The following RARB variants were observed in gnomAD, a reference collection of about 807,000 sequenced individuals.
RARB encodes the protein HBV-activated protein.
A neutral mutation model predicts 51.9 loss-of-function variants in RARB; 17 were observed. That is an observed-to-expected ratio of 0.33 (90% CI 0.22 to 0.49). RARB has a LOEUF of 0.49. Among genes scored for constraint, RARB ranks in the 20% least tolerant of loss-of-function variants. RARB has a pLI of 0.99. For synonymous variants in RARB, 215 were observed against 195.4 expected (o/e 1.10, Z -0.84); for missense variants, 369 against 550.8 (o/e 0.67, Z 3.30).
chr3:25,372,861 A>G (rs572166298), intron 5 of RARB, among the ~76,000 whole-genome samples: 2 of 152,260 alleles, frequency 1.3e-5, no homozygotes, highest in East Asian at 3.9e-4. Context: ...AACTTAAAAA[A>G]TTTTTTTTAA....
At chr3:25,552,088 G>T (rs1467719826) in intron 3 of RARB, among the ~76,000 whole-genome samples, 2 of 152,082 alleles carry the variant, frequency 1.3e-5, no homozygotes, top group Admixed American at 1.3e-4. Context: ...GCCCTGGGAT[G>T]AGACAGCAAA....
chr3:24,970,594 C>T (rs1011858457), intron 2 of RARB, among the ~76,000 whole-genome samples: 15 of 151,596 alleles, frequency 9.9e-5, no homozygotes, highest in Non-Finnish European at 2.9e-5. Flanking sequence ...CACACACACA[C>T]ACACACACAC....
intron 2 of RARB, among the ~76,000 whole-genome samples, chr3:25,002,046 C>T (rs964825206): frequency 1.3e-5 from 2 of 152,146 alleles, no homozygotes; most frequent in African/African-American, 2.4e-5. Context: ...GCTGGGATTA[C>T]AGGCATGAGC....
intron 3 of RARB, among the ~76,000 whole-genome samples, chr3:25,090,069 G>C (rs1699169863): frequency 6.6e-6 from 1 of 152,116 alleles, no homozygotes; most frequent in South Asian, 2.1e-4. Context: ...AAAATCTATA[G>C]TTAATCTGAA....
intron 2 of RARB, among the ~76,000 whole-genome samples, chr3:25,481,677 A>G (rs1295239510): frequency 1.3e-5 from 2 of 152,208 alleles, no homozygotes; most frequent in African/African-American, 2.4e-5. Flanking sequence ...CCTGTGGTAC[A>G]TTGCAGATAT....
chr3:25,048,605 C>T (rs982816342), intron 2 of RARB, among the ~76,000 whole-genome samples: 1 of 152,066 alleles, frequency 6.6e-6, no homozygotes, highest in African/African-American at 2.4e-5. Flanking sequence ...TTTGTGATGG[C>T]AGAAAATTAG....
chr3:25,588,400 A>T (rs1701485646), intron 5 of RARB, among the ~76,000 whole-genome samples: 1 of 152,236 alleles, frequency 6.6e-6, no homozygotes, highest in Non-Finnish European at 1.5e-5. Context: ...TGCTGGAAAT[A>T]TTCATATCTT....
chr3:24,857,238 T>C (rs1303603404), intron 1 of RARB, among the ~76,000 whole-genome samples: 1 of 152,192 alleles, frequency 6.6e-6, no homozygotes, highest in Non-Finnish European at 1.5e-5. Context: ...ACACCTCTCA[T>C]TCCTCAGATG....
At chr3:25,499,527 T>C (rs755316579) in intron 2 of RARB, among the ~76,000 whole-genome samples, 1 of 152,162 alleles carries the variant, frequency 6.6e-6, no homozygotes, top group Non-Finnish European at 1.5e-5. Flanking sequence ...AAAGAGGAAG[T>C]TGGGGACCCT....
At chr3:25,205,535 C>G in intron 5 of RARB, among the ~76,000 whole-genome samples, 1 of 152,112 alleles carries the variant, frequency 6.6e-6, no homozygotes, top group South Asian at 2.1e-4. Context: ...GAGCCATAGA[C>G]TGGAGCTGTT....
intron 3 of RARB, among the ~76,000 whole-genome samples, chr3:25,514,428 G>A (rs1250122280): frequency 6.6e-6 from 1 of 151,930 alleles, no homozygotes; most frequent in Non-Finnish European, 1.5e-5. Flanking sequence ...GTTTTCTCAG[G>A]AGAAGGAAAG....
At chr3:25,162,727 T>C (rs1037828654) in intron 4 of RARB, among the ~76,000 whole-genome samples, 1 of 152,254 alleles carries the variant, frequency 6.6e-6, no homozygotes, top group Non-Finnish European at 1.5e-5. Flanking sequence ...GTTTTCAAGG[T>C]TCATCCATGT....
Position 25,402,221 on chromosome 3 carries a change from G to A in RARB, c.179-58972G>A, listed in dbSNP as rs189594151. ...AGAATACAATTTGAATTCCAAGCTGGATAAAACCCAATTACTCAAAGCCAG... is the reference window on the plus strand; with the variant it reads ...AGAATACAATTTGAATTCCAAGCTGAATAAAACCCAATTACTCAAAGCCAG... On this transcript the variant is annotated intron_variant, in intron 5 of 11. Coordinates refer to the RARB transcript ENST00000383772. Among the ~76,000 whole-genome samples the A allele has an allele frequency of 3.3e-5, 5 of 152,318 alleles. No individual in the cohort carries two copies. The East Asian group carries it at 9.6e-4, about 29-fold the overall frequency.
At chr3:25,398,033 A>T (rs2125492178) in intron 5 of RARB, among the ~76,000 whole-genome samples, 1 of 152,242 alleles carries the variant, frequency 6.6e-6, no homozygotes, top group East Asian at 1.9e-4. Flanking sequence ...TTTTTGGGTG[A>T]AATTTCCCCT....
intron 2 of RARB, among the ~76,000 whole-genome samples, chr3:25,011,780 A>T (rs183185359): frequency 2.0e-5 from 3 of 152,154 alleles, no homozygotes; most frequent in Admixed American, 6.6e-5. Flanking sequence ...TCCACATAGC[A>T]GACTAGCCCC....
At chr3:25,573,256 T>C (rs951280176) in intron 4 of RARB, among the ~76,000 whole-genome samples, 1 of 152,156 alleles carries the variant, frequency 6.6e-6, no homozygotes, top group Non-Finnish European at 1.5e-5. Flanking sequence ...ATTCCAATTC[T>C]AGTCTCAGCC....
intron 4 of RARB, among the ~76,000 whole-genome samples, chr3:25,170,094 G>T (rs1031435464): frequency 2.6e-5 from 4 of 151,960 alleles, no homozygotes; most frequent in African/African-American, 9.7e-5. Context: ...TTCTTTATCA[G>T]TCTCAAGCAG....
intron 5 of RARB, among the ~76,000 whole-genome samples, chr3:25,209,078 C>G (rs1701631547): frequency 6.6e-6 from 1 of 152,236 alleles, no homozygotes; most frequent in South Asian, 2.1e-4. Flanking sequence ...CACCTATTCT[C>G]ACTGTCAGCA....
Position 25,288,932 on chromosome 3 carries a change from T to A in RARB, c.178+114357T>A, listed in dbSNP as rs549227845. 3.3e-5 allele frequency among the ~76,000 whole-genome samples: 5 copies of A among 152,304 alleles called. 1 individual carries two copies. The highest frequency in any genetic ancestry group is 1.2e-4 in the African/African-American group (5 of 41,562). On this transcript the variant is annotated intron_variant, in intron 5 of 11. Coordinates refer to the RARB transcript ENST00000383772. ...TCCAAAAGGCAGAAGACCTCTACTA[T>A]TTCCCAGCCCTCATACTTCACCTAT...
Sources: allele counts gnomAD v4.1 joint callset (sites outside exome capture counted in the v4.1 genomes callset), GRCh38; gene constraint gnomAD v4.1.1; transcripts MANE v1.5; gene names NCBI Gene and HGNC (gene_info 2026-07-23, HGNC 2026-07-21).